The following EDIL3 variants were observed in gnomAD, a reference collection of about 807,000 sequenced individuals.
EDIL3 encodes EGF-like repeat and discoidin I-like domain-containing protein 3.
Under a neutral mutation model 67.4 loss-of-function variants are expected in EDIL3, and 37 were observed. That is an observed-to-expected ratio of 0.55 (90% confidence interval 0.42 to 0.72). The LOEUF (loss-of-function observed/expected upper bound fraction) is 0.72. Ranked by LOEUF, EDIL3 falls within the 30% of genes least tolerant of loss-of-function variation. The probability of loss-of-function intolerance (pLI) is 0.00; values close to 1 mark genes in which losing one functional copy is unlikely to be tolerated. For synonymous variants in EDIL3, 195 were observed against 196.3 expected, an observed-to-expected ratio of 0.99 and a Z score of 0.05; for missense variants, 527 against 586.3, an observed-to-expected ratio of 0.90 and a Z score of 1.04.
chr5:84,041,880 G>T (rs922815864), intron 9 of EDIL3, among the ~76,000 whole-genome samples: 1 of 151,920 alleles, frequency 6.6e-6, no homozygotes, highest in African/African-American at 2.4e-5. Context: ...ACCCTACAGT[G>T]CTTTTTCATG....
chr5:84,237,949 T>C (rs1744711916), intron 2 of EDIL3, among the ~76,000 whole-genome samples: 1 of 152,192 alleles, frequency 6.6e-6, no homozygotes, highest in Non-Finnish European at 1.5e-5. Flanking sequence ...CTGATCCATG[T>C]GCCTGGCAGA....
At chr5:84,147,193 T>A (rs1284809332) in intron 4 of EDIL3, among the ~76,000 whole-genome samples, 1 of 152,190 alleles carries the variant, frequency 6.6e-6, no homozygotes, top group Non-Finnish European at 1.5e-5. Context: ...TGTGATCTTC[T>A]GTTTGTGGCA....
chr5:84,369,552 G>C (rs112347354), intron 1 of EDIL3, among the ~76,000 whole-genome samples: 20 of 152,154 alleles, frequency 1.3e-4, no homozygotes, highest in African/African-American at 4.3e-4. Context: ...CACAGAAACA[G>C]AAAGTAGGAT....
intron 9 of EDIL3, among the ~76,000 whole-genome samples, chr5:84,038,150 G>T (rs2112210516): frequency 6.6e-6 from 1 of 151,950 alleles, no homozygotes; most frequent in South Asian, 2.1e-4. Context: ...TCACAGGTGT[G>T]TGCCAGCATG....
chr5:84,281,727 C>A lies in EDIL3; in HGVS notation c.68-27515G>T, dbSNP rs184605243. Among the ~76,000 whole-genome samples, 173 of 152,210 alleles carry A rather than the reference C, an allele frequency of 1.1e-3. 3 individuals carry two copies. Among genetic ancestry groups the A allele is most frequent in the Admixed American group, 9.8e-3 (149 of 15,278 alleles). ...GCTAATAATAAACTATAACCCCAGGCAGTCCAAATACTTATTTTAAATTAT... is the reference window on the plus strand; with the variant it reads ...GCTAATAATAAACTATAACCCCAGGAAGTCCAAATACTTATTTTAAATTAT... On this transcript the variant is annotated intron_variant, in intron 1 of 10. Coordinates refer to ENST00000296591, the MANE Select transcript of EDIL3 (RefSeq NM_005711.5).
chr5:84,060,815 C>T (rs77034810), intron 8 of EDIL3, among the ~76,000 whole-genome samples: 2,094 of 152,232 alleles, frequency 0.014, 47 homozygotes, highest in African/African-American at 0.048. Context: ...TGGAGGCCTC[C>T]TGACTGCTCC....
At chr5:84,029,132 C>CA (rs1745872285) in intron 9 of EDIL3, among the ~76,000 whole-genome samples, 1 of 152,118 alleles carries the variant, frequency 6.6e-6, no homozygotes, top group Non-Finnish European at 1.5e-5. Flanking sequence ...TGGCAGGTGC[C>CA]TGTAGTCCCA....
At chr5:84,208,610 C>A (rs36184347) in intron 3 of EDIL3, among the ~76,000 whole-genome samples, 8 of 135,160 alleles carry the variant, frequency 5.9e-5, no homozygotes, top group African/African-American at 2.2e-4. Context: ...ACCCGGGAAG[C>A]GGAGCTTGCA....
chr5:84,141,952 G>GATCT (rs70975543), intron 4 of EDIL3, among the ~76,000 whole-genome samples: 17,498 of 108,144 alleles, frequency 0.16, 1,611 homozygotes, highest in South Asian at 0.18. Context: ...TATATACATA[G>GATCT]ATCTATCTAT....
intron 9 of EDIL3, among the ~76,000 whole-genome samples, chr5:84,004,830 C>T (rs984514651): frequency 6.6e-6 from 1 of 151,736 alleles, no homozygotes; most frequent in African/African-American, 2.4e-5. Flanking sequence ...AAGAGATAAC[C>T]AAAATCAGTG....
At chr5:84,066,691 G>A in intron 6 of EDIL3, 85 bp from the exon 7 acceptor site, 1 of 1,459,656 alleles carries the variant, frequency 6.9e-7, no homozygotes, top group Non-Finnish European at 9.3e-7. Context: ...ATGAAACATT[G>A]TTAATGCAGA....
rs890340816 is a variant in EDIL3 at position 84,125,895 on chromosome 5, C to A, written c.469+11346G>T. Among the ~76,000 whole-genome samples, 15 of 152,062 alleles carry A rather than the reference C, an allele frequency of 9.9e-5. No homozygotes were observed. In the East Asian group the frequency reaches 2.9e-3, roughly 29 times the overall value. On this transcript the variant is annotated intron_variant, in intron 5 of 10. Transcript: ENST00000296591. ...GAATATGCTCAACTTCAGATAGCAG[C>A]CCCTGAGCAGCAGGTGATGGGGAAG...
At chr5:84,115,779 T>C (rs1747653279) in intron 5 of EDIL3, among the ~76,000 whole-genome samples, 1 of 152,214 alleles carries the variant, frequency 6.6e-6, no homozygotes, top group Non-Finnish European at 1.5e-5. Flanking sequence ...TCTTGCTTTC[T>C]GACAAAACAT....
intron 1 of EDIL3, among the ~76,000 whole-genome samples, chr5:84,342,143 A>C (rs543699695): frequency 1.3e-5 from 2 of 152,132 alleles, no homozygotes; most frequent in Non-Finnish European, 2.9e-5. Flanking sequence ...AAGAAAATAG[A>C]GTGTATATAG....
chr5:83,966,324 A>T (rs1744690184), intron 9 of EDIL3, among the ~76,000 whole-genome samples: 1 of 152,074 alleles, frequency 6.6e-6, no homozygotes, highest in African/African-American at 2.4e-5. Context: ...CGTTTTGCTG[A>T]ATTGAGTTGG....
intron 1 of EDIL3, among the ~76,000 whole-genome samples, chr5:84,345,293 A>G (rs1361937938): frequency 6.6e-6 from 1 of 152,174 alleles, no homozygotes; most frequent in Non-Finnish European, 1.5e-5. Context: ...ATGTCATCTG[A>G]ACACACTATT....
At chr5:84,219,003 C>T (rs1199000353) in intron 3 of EDIL3, among the ~76,000 whole-genome samples, 3 of 152,154 alleles carry the variant, frequency 2.0e-5, no homozygotes, top group African/African-American at 7.2e-5. Context: ...AGGCCTTTAG[C>T]AAACATACAA....
chr5:84,269,387 G>A lies in EDIL3; in HGVS notation c.68-15175C>T, dbSNP rs1196878233. On this transcript the variant is annotated intron_variant, in intron 1 of 10. Coordinates refer to ENST00000296591, the MANE Select transcript of EDIL3 (RefSeq NM_005711.5). The stretch of plus-strand genomic sequence containing the variant: ...TCTCTGTGAACTTTTACTTGTACAG[G>A]AAATATAACCTTAGACATAGACATA... Among the ~76,000 whole-genome samples, 6 of 151,072 alleles carry A rather than the reference G, an allele frequency of 4.0e-5. No homozygotes were observed. In the East Asian group the frequency reaches 9.8e-4, roughly 25 times the overall value.
chr5:84,240,650 T>G (rs1398832420), intron 2 of EDIL3, among the ~76,000 whole-genome samples: 1 of 152,100 alleles, frequency 6.6e-6, no homozygotes, highest in Non-Finnish European at 1.5e-5. Context: ...GTGGAACAGT[T>G]TCATCCTGAA....
Sources: gnomAD v4.1 joint callset for allele counts (sites outside exome capture counted in the v4.1 genomes callset) on GRCh38, gnomAD v4.1.1 for gene constraint, MANE v1.5 for transcripts, NCBI Gene and HGNC (gene_info 2026-07-23, HGNC 2026-07-21) for gene names.